Variants in NTNG1 observed in about 807,000 individuals in gnomAD.
The protein encoded by NTNG1 is netrin-G1.
NTNG1 carries 16 observed loss-of-function variants against 54.0 expected under a neutral mutation model. The ratio of observed to expected loss-of-function variants is 0.30; its 90% confidence interval spans 0.20 to 0.45. The LOEUF (loss-of-function observed/expected upper bound fraction) is 0.45. Among genes scored for constraint, NTNG1 ranks in the 20% least tolerant of loss-of-function variants. The pLI, the probability that NTNG1 is intolerant of heterozygous loss-of-function variation, is 1.00. For synonymous variants in NTNG1, 255 were observed against 263.1 expected (o/e 0.97, Z 0.30); for missense variants, 530 against 678.7 (o/e 0.78, Z 2.43).
chr1:107,328,029 G>A (rs546916630), intron 3 of NTNG1, among the ~76,000 whole-genome samples: 1 of 152,182 alleles, frequency 6.6e-6, no homozygotes, highest in African/African-American at 2.4e-5. Flanking sequence ...TAAGAAAAAA[G>A]TGTAATCTCA....
chr1:107,388,975 A>G (rs1418821054), intron 3 of NTNG1, among the ~76,000 whole-genome samples: 1 of 152,250 alleles, frequency 6.6e-6, no homozygotes, highest in Non-Finnish European at 1.5e-5. Context: ...GTGCCAATCC[A>G]AGGGAAGAGG....
chr1:107,187,522 A>G (rs1189402144), intron 2 of NTNG1, among the ~76,000 whole-genome samples: 1 of 152,182 alleles, frequency 6.6e-6, no homozygotes, highest in African/African-American at 2.4e-5. Flanking sequence ...AGAGCAGAGT[A>G]GCTCACCCAC....
At chr1:107,254,089 A>T (rs1163229396) in intron 2 of NTNG1, among the ~76,000 whole-genome samples, 2 of 152,198 alleles carry the variant, frequency 1.3e-5, no homozygotes, top group Non-Finnish European at 2.9e-5. Context: ...TTTAGGATTC[A>T]TCACTTCTCA....
At chr1:107,319,418 A>T (rs1175559134) in intron 2 of NTNG1, among the ~76,000 whole-genome samples, 1 of 152,128 alleles carries the variant, frequency 6.6e-6, no homozygotes, top group Non-Finnish European at 1.5e-5. Context: ...TCATGGTTTC[A>T]ATCTCTGAGA....
At chr1:107,355,107 CT>C (rs1183850391) in intron 3 of NTNG1, among the ~76,000 whole-genome samples, 3 of 151,922 alleles carry the variant, frequency 2.0e-5, no homozygotes, top group African/African-American at 7.2e-5. Context: ...GGTTAGTTTT[CT>C]TTTTTTCTTT....
intron 3 of NTNG1, among the ~76,000 whole-genome samples, chr1:107,341,474 C>T (rs965883786): frequency 6.6e-6 from 1 of 152,064 alleles, no homozygotes; most frequent in Non-Finnish European, 1.5e-5. Context: ...GCTTAGTTTT[C>T]TAAGATTGGC....
chr1:107,467,961 A>G (rs1461811750), intron 7 of NTNG1, among the ~76,000 whole-genome samples: 2 of 152,162 alleles, frequency 1.3e-5, no homozygotes, highest in Non-Finnish European at 2.9e-5. Context: ...ACACCAATTC[A>G]TTTTGCCTTG....
chr1:107,312,494 A>G (rs1159308814), intron 2 of NTNG1, among the ~76,000 whole-genome samples: 1 of 152,160 alleles, frequency 6.6e-6, no homozygotes, highest in Non-Finnish European at 1.5e-5. Flanking sequence ...CAATGTGAAG[A>G]AGGTTGTCAA....
chr1:107,241,905 C>T (rs1661855840), intron 2 of NTNG1, among the ~76,000 whole-genome samples: 1 of 152,124 alleles, frequency 6.6e-6, no homozygotes, highest in Non-Finnish European at 1.5e-5. Flanking sequence ...GTTGTGACCT[C>T]CTGCATCACC....
At chr1:107,257,095 G>A (rs915629260) in intron 2 of NTNG1, among the ~76,000 whole-genome samples, 1 of 152,074 alleles carries the variant, frequency 6.6e-6, no homozygotes, top group African/African-American at 2.4e-5. Flanking sequence ...AGGTAAATAT[G>A]CTCCAAAAAA....
At chr1:107,456,145 G>C (rs1213448512) in intron 7 of NTNG1, among the ~76,000 whole-genome samples, 3 of 152,144 alleles carry the variant, frequency 2.0e-5, no homozygotes, top group African/African-American at 7.2e-5. Flanking sequence ...AAAGACAAAG[G>C]CCGTGAAGGA....
intron 2 of NTNG1, among the ~76,000 whole-genome samples, chr1:107,279,847 G>A (rs186731666): frequency 6.6e-6 from 1 of 152,158 alleles, no homozygotes; most frequent in East Asian, 1.9e-4. Context: ...CTCGAGTGCA[G>A]GGGTGTGAAC....
intron 3 of NTNG1, among the ~76,000 whole-genome samples, chr1:107,341,811 A>G (rs989491414): frequency 1.3e-5 from 2 of 152,052 alleles, no homozygotes; most frequent in African/African-American, 2.4e-5. Flanking sequence ...TTTTAGTTCT[A>G]TTTCTCTTCT....
intron 2 of NTNG1, among the ~76,000 whole-genome samples, chr1:107,156,621 T>TA (rs1655017972): frequency 6.9e-6 from 1 of 145,634 alleles, no homozygotes; most frequent in African/African-American, 2.8e-5. Context: ...TAAAGAATGA[T>TA]ATGGCAAAAT....
intron 2 of NTNG1, among the ~76,000 whole-genome samples, chr1:107,293,707 A>G (rs1665764878): frequency 1.3e-5 from 2 of 152,182 alleles, no homozygotes; most frequent in South Asian, 4.1e-4. Flanking sequence ...TGATGTTGTA[A>G]GGATTAAATG....
At position 107,450,169 on chromosome 1, in the gene NTNG1, C is replaced by T. The variant is rs144954122; in HGVS notation, c.1390+13370C>T. 3.8e-3 allele frequency among the ~76,000 whole-genome samples: 577 copies of T among 152,064 alleles called. 3 individuals carry two copies. The highest frequency in any genetic ancestry group is 0.013 in the African/African-American group (534 of 41,502). On this transcript the variant is annotated intron_variant, in intron 7 of 7. Coordinates refer to ENST00000370068, the MANE Select transcript of NTNG1 (RefSeq NM_001113226.3). ...AAAGAAGCAAGAACATTTTGGACAACGACAGAATTTTAAAGATAATGAAAC... is the reference window on the plus strand; with the variant it reads ...AAAGAAGCAAGAACATTTTGGACAATGACAGAATTTTAAAGATAATGAAAC...
intron 2 of NTNG1, among the ~76,000 whole-genome samples, chr1:107,317,938 T>C (rs1364474171): frequency 6.6e-6 from 1 of 152,190 alleles, no homozygotes; most frequent in Admixed American, 6.6e-5. Context: ...TCTACTATTC[T>C]TAGGGTGGCC....
chr1:107,432,700 A>C (rs1322262034), intron 6 of NTNG1, among the ~76,000 whole-genome samples: 1 of 152,158 alleles, frequency 6.6e-6, no homozygotes, highest in African/African-American at 2.4e-5. Flanking sequence ...AGGATAAAAA[A>C]CCTAACCATT....
chr1:107,444,524 AC>A lies in NTNG1; in HGVS notation c.1390+7728del, dbSNP rs775326337. Among the ~76,000 whole-genome samples the A allele has an allele frequency of 2.6e-5, 4 of 152,242 alleles. No homozygotes were observed. The East Asian group carries it at 7.7e-4, about 29-fold the overall frequency. ...GACATACCAGACGGCAATTCCAGGCACCCACTGGCATTCTGAGGCTTGCCTA... is the reference window on the plus strand; with the variant it reads ...GACATACCAGACGGCAATTCCAGGCACCACTGGCATTCTGAGGCTTGCCTA... On this transcript the variant is annotated intron_variant, in intron 7 of 7. Coordinates refer to ENST00000370068, the MANE Select transcript of NTNG1 (RefSeq NM_001113226.3).
Sources: gnomAD v4.1 joint callset for allele counts (sites outside exome capture counted in the v4.1 genomes callset) on GRCh38, gnomAD v4.1.1 for gene constraint, MANE v1.5 for transcripts, NCBI Gene and HGNC (gene_info 2026-07-23, HGNC 2026-07-21) for gene names.